The following PEMT variants were observed in gnomAD, a reference collection of about 807,000 sequenced individuals.
PEMT encodes the protein phosphatidylethanolamine N-methyltransferase.
In PEMT, 23 loss-of-function variants were observed where a neutral mutation model predicts 27.4. That is an observed-to-expected ratio of 0.84 (90% CI 0.60 to 1.19). The LOEUF is 1.19. Among genes scored for constraint, PEMT ranks in the 50% most tolerant of loss-of-function variants. PEMT has a pLI of 0.00. For synonymous variants in PEMT, 137 were observed against 139.1 expected (o/e 0.98, Z 0.11); for missense variants, 307 against 310.1 (o/e 0.99, Z 0.07).
intron 2 of PEMT, among the ~76,000 whole-genome samples, chr17:17,529,322 C>T (rs755896493): frequency 2.0e-5 from 3 of 152,214 alleles, no homozygotes; most frequent in Non-Finnish European, 4.4e-5. Context: ...GCTGCTGAAC[C>T]TGGGCCAGGG....
intron 2 of PEMT, among the ~76,000 whole-genome samples, chr17:17,533,415 C>T (rs965088384): frequency 1.3e-5 from 2 of 152,192 alleles, no homozygotes; most frequent in African/African-American, 4.8e-5. Flanking sequence ...CTTCATGACC[C>T]TGGATTTAGC....
intron 3 of PEMT, among the ~76,000 whole-genome samples, chr17:17,514,483 G>A (rs1214757840): frequency 3.9e-5 from 6 of 152,228 alleles, no homozygotes; most frequent in Admixed American, 6.5e-5. Flanking sequence ...ACCAGGACCC[G>A]GTGGCAGAGG....
chr17:17,518,044 G>A, intron 3 of PEMT: 4 of 985,526 alleles, frequency 4.1e-6, no homozygotes, highest in Non-Finnish European at 4.8e-6. Flanking sequence ...TAGCCTGGCT[G>A]TGCCCGCCAC....
At chr17:17,505,979 C>T in intron 6 of PEMT, 131 bp from the exon 7 acceptor site, 1 of 1,380,784 alleles carries the variant, frequency 7.2e-7, no homozygotes, top group Non-Finnish European at 9.6e-7. Flanking sequence ...CCCAGAGCCA[C>T]TGGGGCAACA....
Position 17,582,197 on chromosome 17 carries a change from T to G in PEMT, c.97-5170A>C, listed in dbSNP as rs1912013969. ...GCTTTCTGCTACCCAGTAATTCTAA[T>G]GGAACCCCCACTCCAAGGCTCCAGG... On this transcript the variant is annotated intron_variant, in intron 1 of 6. Coordinates refer to ENST00000255389, the MANE Select transcript of PEMT (RefSeq NM_148172.3). The surrounding 1 kb of genome is among the most constrained non-coding windows in gnomAD (Gnocchi z 4.9). 4 of 893,384 alleles carry G rather than the reference T, an allele frequency of 4.5e-6. No individual in the cohort carries two copies. In the South Asian group the frequency reaches 2.1e-4, roughly 46 times the overall value. The allele number at this position is 893,384 out of a possible 1,614,324, so 55.3% of individuals were successfully genotyped here. A position where few individuals can be genotyped will look rare whatever the true frequency, so the allele number is the denominator to read the frequency against.
intron 5 of PEMT, 110 bp from the exon 6 acceptor site, chr17:17,506,411 G>C: frequency 1.3e-6 from 1 of 751,032 alleles, no homozygotes; most frequent in Non-Finnish European, 2.1e-6. Context: ...TCCGGCCGAC[G>C]CTGGGCCACT....
At chr17:17,533,523 T>G (rs983986848) in intron 2 of PEMT, among the ~76,000 whole-genome samples, 2 of 152,212 alleles carry the variant, frequency 1.3e-5, no homozygotes, top group African/African-American at 4.8e-5. Context: ...AATGATTCTA[T>G]CATGAAAATA....
At chr17:17,585,445 T>C (rs537786828) in intron 1 of PEMT, among the ~76,000 whole-genome samples, 2 of 152,282 alleles carry the variant, frequency 1.3e-5, no homozygotes, top group African/African-American at 4.8e-5. Flanking sequence ...GGGCCCTCCA[T>C]GGTCCTCTCA....
intron 2 of PEMT, among the ~76,000 whole-genome samples, chr17:17,548,404 G>C (rs1292932561): frequency 1.3e-5 from 2 of 152,220 alleles, no homozygotes; most frequent in Non-Finnish European, 2.9e-5. Context: ...GGGGTCTGGG[G>C]GAGGAAGAGG....
chr17:17,576,138 C>T (rs1486791289), intron 2 of PEMT, among the ~76,000 whole-genome samples: 1 of 152,018 alleles, frequency 6.6e-6, no homozygotes, highest in African/African-American at 2.4e-5. Context: ...CCCAGAAGCA[C>T]CCCCCAGAGA....
chr17:17,590,364 G>A (rs1033977277), intron 1 of PEMT, among the ~76,000 whole-genome samples: 3 of 152,190 alleles, frequency 2.0e-5, no homozygotes, highest in Non-Finnish European at 2.9e-5. Flanking sequence ...TCCCTCCTCT[G>A]GGGAATCTTG....
chr17:17,527,659 G>A (rs554380680), intron 2 of PEMT, among the ~76,000 whole-genome samples: 3 of 152,228 alleles, frequency 2.0e-5, no homozygotes, highest in African/African-American at 2.4e-5. Flanking sequence ...GGCGCATGGC[G>A]GTGCTGCTGT....
In PEMT at chr17:17,588,614, G is replaced by A. The variant is rs370047361; in HGVS notation, c.96+2917C>T. 1.1e-3 allele frequency among the ~76,000 whole-genome samples: 160 copies of A among 152,260 alleles called. 1 individual carries two copies. The highest frequency in any genetic ancestry group is 3.7e-3 in the African/African-American group (152 of 41,540). On this transcript the variant is annotated intron_variant, in intron 1 of 6. Transcript: ENST00000255389. ...AAGCTGGAGACATCATCACTCACCCGCTCTGGTGAGCAGGTGATTCGCTAT... is the reference window on the plus strand; with the variant it reads ...AAGCTGGAGACATCATCACTCACCCACTCTGGTGAGCAGGTGATTCGCTAT...
rs932084651 is a variant in PEMT at position 17,565,948 on chromosome 17, T to C, written c.204+10972A>G. Among the ~76,000 whole-genome samples the C allele has an allele frequency of 2.0e-5, 3 of 152,192 alleles. No homozygotes were observed. The South Asian group carries it at 6.2e-4, about 32-fold the overall frequency. On this transcript the variant is annotated intron_variant, in intron 2 of 6. Transcript: ENST00000255389. The stretch of plus-strand genomic sequence containing the variant: ...GCAGCCAGGCAGCTCCCGCAGCTGC[T>C]TCTCCTTGGAGCCCAAACCCTTTTA...
upstream of PEMT, chr17:17,591,724 G>C (rs375828313): frequency 5.5e-4 from 827 of 1,490,620 alleles, 9 homozygotes; most frequent in African/African-American, 9.2e-3. Context: ...CAGTCGGGGC[G>C]CTTTCCCGGT....
chr17:17,531,620 G>GAAAAAAA, intron 2 of PEMT, among the ~76,000 whole-genome samples: 1 of 20,472 alleles, frequency 4.9e-5, no homozygotes, highest in Non-Finnish European at 8.3e-5. Context: ...GCTATCATAT[G>GAAAAAAA]CAAAAAAAAA....
At chr17:17,544,616 C>T (rs1409130152) in intron 2 of PEMT, among the ~76,000 whole-genome samples, 1 of 152,192 alleles carries the variant, frequency 6.6e-6, no homozygotes, top group East Asian at 1.9e-4. Flanking sequence ...ATTCACTGCA[C>T]AGACCACAGC....
At chr17:17,525,731 ACGTCTGTAATC>A (rs565821112) in intron 2 of PEMT, among the ~76,000 whole-genome samples, 1 of 152,344 alleles carries the variant, frequency 6.6e-6, no homozygotes, top group African/African-American at 2.4e-5. Context: ...ACAGTGGCTC[ACGTCTGTAATC>A]CCAGCACTTT....
intron 3 of PEMT, among the ~76,000 whole-genome samples, chr17:17,515,362 TCC>T (rs1230454289): frequency 6.6e-6 from 1 of 152,142 alleles, no homozygotes; most frequent in Non-Finnish European, 1.5e-5. Flanking sequence ...GAAGGGCAGA[TCC>T]GGGGCCAGGG....
Sources: gnomAD v4.1 joint callset for allele counts (sites outside exome capture counted in the v4.1 genomes callset) on GRCh38, gnomAD v4.1.1 for gene constraint, Gnocchi (gnomAD v3.1) non-coding constraint, MANE v1.5 for transcripts, NCBI Gene and HGNC (gene_info 2026-07-23, HGNC 2026-07-21) for gene names.